Variants in RAP1A observed in about 807,000 individuals in gnomAD.
The protein encoded by RAP1A is ras-related protein Rap-1A.
In RAP1A, 6 loss-of-function variants were observed where a neutral mutation model predicts 26.4. The ratio of observed to expected loss-of-function variants is 0.23; its 90% CI spans 0.12 to 0.45. The LOEUF is 0.45. RAP1A is among the 20% of genes least tolerant of loss of function. The pLI, the probability that RAP1A is intolerant of heterozygous loss-of-function variation, is 0.99. For missense variants in RAP1A, 121 were observed against 217.2 expected, an observed-to-expected ratio of 0.56 and a Z score of 2.78; for synonymous variants, 73 against 79.4, an observed-to-expected ratio of 0.92 and a Z score of 0.43.
chr1:111,589,658 CT>C (rs1658434357), intron 1 of RAP1A, among the ~76,000 whole-genome samples: 1 of 152,100 alleles, frequency 6.6e-6, no homozygotes, highest in Non-Finnish European at 1.5e-5. Flanking sequence ...TTTCTGATTC[CT>C]TTCAGAGAGA....
Position 111,593,652 on chromosome 1 carries a change from CTTTTT to C in RAP1A, c.-28+51166_-28+51170del, listed in dbSNP as rs994763442. 2.3e-4 allele frequency among the ~76,000 whole-genome samples: 15 copies of C among 65,408 alleles called. No individual in the cohort carries two copies. In the East Asian group the frequency reaches 2.4e-3, roughly 11 times the overall value. 42.9% of individuals were successfully genotyped at this position (65,408 alleles called of 152,430 possible). ...CTGGCAGCTTAAGTTATGACTCCTA[CTTTTT>C]TTTTTTTTTTTTTTTTTTTTTTACC... On this transcript the variant is annotated intron_variant, in intron 1 of 7. Coordinates refer to the RAP1A transcript ENST00000356415.
At chr1:111,568,363 G>A (rs969701437) in intron 1 of RAP1A, among the ~76,000 whole-genome samples, 3 of 152,154 alleles carry the variant, frequency 2.0e-5, no homozygotes, top group African/African-American at 7.2e-5. Flanking sequence ...CATGGCCAGT[G>A]AGGAACCCAC....
At chr1:111,628,045 A>G (rs1049298443) in intron 1 of RAP1A, among the ~76,000 whole-genome samples, 1 of 152,122 alleles carries the variant, frequency 6.6e-6, no homozygotes, top group Non-Finnish European at 1.5e-5. Flanking sequence ...GCAACCTGCT[A>G]AATATGTGTA....
chr1:111,610,042 C>T lies in RAP1A; in HGVS notation c.-28+67533C>T, dbSNP rs571094793. ...TCACGTACTGCTCTGAAAAACTATACGCCCCTTATGACCTTACAGCCAAAA... is the reference window on the plus strand; with the variant it reads ...TCACGTACTGCTCTGAAAAACTATATGCCCCTTATGACCTTACAGCCAAAA... On this transcript the variant is annotated intron_variant, in intron 1 of 7. Coordinates refer to the RAP1A transcript ENST00000356415. Among the ~76,000 whole-genome samples the T allele has an allele frequency of 6.6e-5, 10 of 152,300 alleles. No homozygotes were observed. The East Asian group carries it at 9.6e-4, about 15-fold the overall frequency.
chr1:111,681,180 G>A (rs144554931), intron 1 of RAP1A, among the ~76,000 whole-genome samples: 107 of 152,300 alleles, frequency 7.0e-4, no homozygotes, highest in African/African-American at 2.3e-3. Flanking sequence ...TCAAGGAGGC[G>A]GAGGTTGCAG....
At chr1:111,615,827 C>A (rs1475505505), upstream of RAP1A, among the ~76,000 whole-genome samples, 2 of 104,914 alleles carry the variant, frequency 1.9e-5, no homozygotes. Flanking sequence ...GAGACTCTGT[C>A]TCAAAAAAAA....
At chr1:111,636,968 C>T (rs1452334474) in intron 1 of RAP1A, among the ~76,000 whole-genome samples, 1 of 152,016 alleles carries the variant, frequency 6.6e-6, no homozygotes, top group African/African-American at 2.4e-5. Context: ...AAGTGTGCTT[C>T]ATTTAATAAA....
chr1:111,607,330 G>T (rs1472141816), intron 1 of RAP1A, among the ~76,000 whole-genome samples: 3 of 151,984 alleles, frequency 2.0e-5, no homozygotes, highest in African/African-American at 4.8e-5. Flanking sequence ...GAGAGCACAG[G>T]GTTGGGGGTA....
intron 1 of RAP1A, among the ~76,000 whole-genome samples, chr1:111,620,420 C>T (rs970766521): frequency 6.6e-6 from 1 of 152,146 alleles, no homozygotes. Context: ...ACCCAGCTCT[C>T]CCTTTTGGGC....
In RAP1A at chr1:111,714,912, G is replaced by C. The variant is rs1207292114; in HGVS notation, c.*2511G>C. ...TGGCTATTTAAAGTATAATGACTTT[G>C]GTTTGGTTATATGAGTGACACAGAA... On this transcript the variant is annotated 3_prime_UTR_variant, in exon 8 of 8. Coordinates refer to ENST00000369709, the MANE Select transcript of RAP1A (RefSeq NM_002884.4). The C allele has an allele frequency of 6.6e-6, 1 of 152,132 alleles. No individual in the cohort carries two copies. Among genetic ancestry groups the C allele is most frequent in the African/African-American group, 2.4e-5 (1 of 41,424 alleles). 9.4% of individuals were successfully genotyped at this position (152,132 alleles called of 1,614,324 possible). A position where few individuals can be genotyped will look rare whatever the true frequency, so the allele number is the denominator to read the frequency against.
chr1:111,610,882 T>C (rs1658915393), intron 1 of RAP1A, among the ~76,000 whole-genome samples: 2 of 152,258 alleles, frequency 1.3e-5, no homozygotes, highest in Admixed American at 1.3e-4. Context: ...AATTTAATTG[T>C]TGCTCTTTAA....
chr1:111,652,025 G>T (rs899247258), intron 1 of RAP1A, among the ~76,000 whole-genome samples: 5 of 151,934 alleles, frequency 3.3e-5, no homozygotes, highest in African/African-American at 1.2e-4. Flanking sequence ...CCAGGCTAAA[G>T]TGTAGTGGTG....
chr1:111,639,852 A>C (rs150010662), intron 1 of RAP1A, among the ~76,000 whole-genome samples: 1 of 152,232 alleles, frequency 6.6e-6, no homozygotes, highest in Non-Finnish European at 1.5e-5. Context: ...GTCTGCGTCT[A>C]TCAAAGTGAA....
chr1:111,554,612 A>AT (rs1657405240), intron 1 of RAP1A, among the ~76,000 whole-genome samples: 2 of 152,360 alleles, frequency 1.3e-5, no homozygotes, highest in South Asian at 4.1e-4. Context: ...GAATAATTAA[A>AT]AGAGACACAC....
In RAP1A at chr1:111,714,177, A is replaced by G. The variant is rs1662466736; in HGVS notation, c.*1776A>G. On this transcript the variant is annotated 3_prime_UTR_variant, in exon 8 of 8. Coordinates refer to ENST00000369709, the MANE Select transcript of RAP1A (RefSeq NM_002884.4). Reference sequence around the variant, plus strand: ...TTTTGTTTTAGTTTCGAATAAACTTAGTTACCTTACACTTCCCTTCTACTT... The same window carrying G: ...TTTTGTTTTAGTTTCGAATAAACTTGGTTACCTTACACTTCCCTTCTACTT... 1.3e-5 allele frequency: 2 copies of G among 152,234 alleles called. No homozygotes were observed. The highest frequency in any genetic ancestry group is 1.3e-4 in the Admixed American group (2 of 15,290). The allele number at this position is 152,234 out of a possible 1,614,324, so 9.4% of individuals were successfully genotyped here.
intron 1 of RAP1A, among the ~76,000 whole-genome samples, chr1:111,555,142 G>C (rs1308064761): frequency 6.6e-6 from 1 of 151,942 alleles, no homozygotes; most frequent in South Asian, 2.1e-4. Context: ...GAGGCAAGAG[G>C]ATCAGTTGAG....
At chr1:111,678,912 A>G (rs1661209407) in intron 1 of RAP1A, among the ~76,000 whole-genome samples, 1 of 152,172 alleles carries the variant, frequency 6.6e-6, no homozygotes. Context: ...TTGCATATGT[A>G]CTATACCTAG....
At chr1:111,638,853 G>A (rs1020079214) in intron 1 of RAP1A, among the ~76,000 whole-genome samples, 3 of 150,370 alleles carry the variant, frequency 2.0e-5, no homozygotes, top group Non-Finnish European at 4.4e-5. Context: ...TTTTGGCTAG[G>A]TGTTGGTTTT....
At chr1:111,653,749 A>G (rs1347750209) in intron 1 of RAP1A, among the ~76,000 whole-genome samples, 1 of 152,026 alleles carries the variant, frequency 6.6e-6, no homozygotes, top group Non-Finnish European at 1.5e-5. Flanking sequence ...TCAACAAAAG[A>G]AAATTTAACC....
Sources: gnomAD v4.1 joint callset for allele counts (sites outside exome capture counted in the v4.1 genomes callset) on GRCh38, gnomAD v4.1.1 for gene constraint, MANE v1.5 for transcripts, NCBI Gene and HGNC (gene_info 2026-07-23, HGNC 2026-07-21) for gene names.